SAP130: variants seen among roughly 807,000 people sequenced by gnomAD.
SAP130 encodes the protein Sin3A associated protein 130.
A neutral mutation model predicts 103.2 loss-of-function variants in SAP130; 16 were observed. The observed-to-expected ratio is 0.16, with a 90% CI of 0.10 to 0.24. The LOEUF is 0.24. Ranked by LOEUF, SAP130 falls within the 10% of genes least tolerant of loss-of-function variation. SAP130 has a pLI of 1.00. For synonymous variants in SAP130, 477 were observed against 497.0 expected (o/e 0.96, Z 0.53); for missense variants, 990 against 1,359.7 (o/e 0.73, Z 4.28).
chr2:128,016,585 T>A (rs770586573), intron 3 of SAP130, 38 bp from the exon 4 acceptor site: 2 of 1,571,652 alleles, frequency 1.3e-6, no homozygotes, highest in African/African-American at 2.7e-5. Flanking sequence ...ATCAATGGCC[T>A]CATACTGGTG....
Position 127,999,705 on chromosome 2 carries a change from T to C in SAP130, c.1213+36A>G, listed in dbSNP as rs746979419. Reference sequence around the variant, plus strand: ...CTAGTCTGAGGGGTTACAGCACTCCTGGTAAGCTTCTGTCCGAAGGCAGCA... The same window carrying C: ...CTAGTCTGAGGGGTTACAGCACTCCCGGTAAGCTTCTGTCCGAAGGCAGCA... On this transcript the variant is annotated intron_variant, in intron 10 of 20. Coordinates refer to ENST00000643581, the MANE Select transcript of SAP130 (RefSeq NM_001330301.2). The C allele has an allele frequency of 3.1e-6, 4 of 1,294,442 alleles. No individual in the cohort carries two copies. In the South Asian group the frequency reaches 4.8e-5, roughly 16 times the overall value. The allele number at this position is 1,294,442 out of a possible 1,614,324, so 80.2% of individuals were successfully genotyped here.
chr2:128,002,147 G>A lies in SAP130; in HGVS notation c.870-1693C>T, dbSNP rs553194918. Among the ~76,000 whole-genome samples the A allele has an allele frequency of 1.3e-3, 200 of 152,264 alleles. 2 individuals are homozygous for A. Among genetic ancestry groups the A allele is most frequent in the Middle Eastern group, 0.01 (3 of 294 alleles). ...TCACAATGTTGGCCAAGATGGTCTT[G>A]ATCTCTTGATCCGCCCGCCCTGGCC... On this transcript the variant is annotated intron_variant, in intron 7 of 20. Coordinates refer to ENST00000643581, the MANE Select transcript of SAP130 (RefSeq NM_001330301.2).
rs1205946757 is a variant in SAP130 at position 128,014,870 on chromosome 2, T to C, written c.552A>G (p.Gln184=). Residue 184 remains glutamine (Q), a synonymous_variant, in exon 5 of 21, where the codon CAA becomes CAG. Coordinates refer to ENST00000643581, the MANE Select transcript of SAP130 (RefSeq NM_001330301.2). ...GAGCATTGCTGCGGATGATAGACAT[T>C]TGCACATTTGTAGTCATGATGTGAT... ...NLHHIMTTNV[Q]MSIIRSNAPG... is the part of the protein sequence containing the mutation. 1.2e-6 allele frequency: 2 copies of C among 1,613,984 alleles called. No homozygotes were observed. The highest frequency in any genetic ancestry group is 1.3e-5 in the African/African-American group (1 of 74,894).
At chr2:127,995,198 C>T (rs558220563) in intron 11 of SAP130, among the ~76,000 whole-genome samples, 1 of 152,206 alleles carries the variant, frequency 6.6e-6, no homozygotes, top group African/African-American at 2.4e-5. Context: ...AGAAGAATGA[C>T]AACCCATAGC....
chr2:127,948,909 A>AT lies in SAP130; in HGVS notation c.2797+959dup, dbSNP rs528254082. Among the ~76,000 whole-genome samples, 644 of 152,128 alleles carry AT rather than the reference A, an allele frequency of 4.2e-3. 18 individuals are homozygous for AT. The highest frequency in any genetic ancestry group is 9.3e-4 in the Non-Finnish European group (63 of 67,992). ...AATGCTACCAGGCAAATTCCTAAAT[A>AT]TTTTTTCTATGGAATTCTTGTGGCA... On this transcript the variant is annotated intron_variant, in intron 18 of 20. Coordinates refer to ENST00000643581, the MANE Select transcript of SAP130 (RefSeq NM_001330301.2).
intron 6 of SAP130, among the ~76,000 whole-genome samples, chr2:128,011,060 C>T (rs1684357832): frequency 1.3e-5 from 2 of 151,930 alleles, no homozygotes; most frequent in African/African-American, 4.8e-5. Context: ...GGGATCTCAC[C>T]CTTCAATCTA....
At chr2:127,976,800 C>T (rs1441467492) in intron 15 of SAP130, among the ~76,000 whole-genome samples, 2 of 152,210 alleles carry the variant, frequency 1.3e-5, no homozygotes, top group African/African-American at 2.4e-5. Context: ...GTCCCAGATA[C>T]TCAGGAGGCT....
chr2:127,961,772 G>A (rs1241629771), intron 15 of SAP130, among the ~76,000 whole-genome samples: 1 of 152,144 alleles, frequency 6.6e-6, no homozygotes, highest in Admixed American at 6.6e-5. Context: ...TGCTGTCAGA[G>A]CCAGACTTCC....
intron 10 of SAP130, among the ~76,000 whole-genome samples, chr2:127,998,174 C>A (rs1360294728): frequency 1.3e-5 from 2 of 151,914 alleles, no homozygotes; most frequent in Non-Finnish European, 1.5e-5. Context: ...AACTATATAG[C>A]ACAGAAAACA....
At chr2:127,962,284 T>C (rs1282420733) in intron 15 of SAP130, among the ~76,000 whole-genome samples, 1 of 152,192 alleles carries the variant, frequency 6.6e-6, no homozygotes, top group East Asian at 1.9e-4. Flanking sequence ...ATTCCACATG[T>C]TATGGACCAC....
chr2:127,942,143 G>C lies in SAP130; in HGVS notation c.3037C>G (p.Leu1013Val). The C allele has an allele frequency of 6.3e-7, 1 of 1,599,166 alleles. No homozygotes were observed. The highest frequency in any genetic ancestry group is 8.5e-7 in the Non-Finnish European group (1 of 1,176,426). The part of the protein sequence containing the change: ...LIQGNMQRCK[L>V]VMDQISEARD... ...GCTTCACTGATTTGATCCATCACAA[G>C]TTTACACCTCTGCATATTTCCCTGA... The change falls in exon 21 of 21, where the codon CTT (leucine) becomes GTT (valine). Residue 1013 changes from leucine (L) to valine (V), a missense_variant. Leu to Val is a conservative substitution (Grantham distance 32, BLOSUM62 1). Transcript: ENST00000643581. The surrounding 1 kb of genome is among the most constrained non-coding windows in gnomAD (Gnocchi z 4.8).
chr2:128,028,041 G>C lies in SAP130; in HGVS notation c.-108C>G, dbSNP rs943336522. ...CCCAGGCTCCGGACCCGCAGCCACC[G>C]CCGGGGAGCTAGCACTCTGCCCCCC... On this transcript the variant is annotated 5_prime_UTR_variant, in exon 1 of 21. Transcript: ENST00000643581. 1.1e-6 allele frequency: 1 copy of C among 934,548 alleles called. No individual in the cohort carries two copies. Among genetic ancestry groups the C allele is most frequent in the African/African-American group, 1.8e-5 (1 of 56,278 alleles). 57.9% of individuals were successfully genotyped at this position (934,548 alleles called of 1,614,324 possible). A position where few individuals can be genotyped will look rare whatever the true frequency, so the allele number is the denominator to read the frequency against.
At chr2:127,946,051 T>TAC (rs544597313) in intron 18 of SAP130, among the ~76,000 whole-genome samples, 433 of 152,334 alleles carry the variant, frequency 2.8e-3, no homozygotes, top group African/African-American at 0.01. Flanking sequence ...CACTAAGTGC[T>TAC]ACCTCCTAAA....
Position 128,026,318 on chromosome 2 carries a change from A to G in SAP130, c.-6-20T>C. 6.6e-7 allele frequency: 1 copy of G among 1,513,300 alleles called. No individual in the cohort carries two copies. The highest frequency in any genetic ancestry group is 9.2e-7 in the Non-Finnish European group (1 of 1,088,204). 93.7% of individuals were successfully genotyped at this position (1,513,300 alleles called of 1,614,324 possible). Reference sequence around the variant, plus strand: ...TTCCACCTGTAGTACATACAGTTATATGGTTATTACTAGATTCTGAGATCT... The same window carrying G: ...TTCCACCTGTAGTACATACAGTTATGTGGTTATTACTAGATTCTGAGATCT... On this transcript the variant is annotated intron_variant, in intron 1 of 20. Transcript: ENST00000643581.
chr2:127,941,710 C>A lies in SAP130; in HGVS notation c.*296G>T. The A allele has an allele frequency of 1.0e-5, 4 of 390,500 alleles. No homozygotes were observed. The highest frequency in any genetic ancestry group is 6.2e-5 in the East Asian group (1 of 16,206). 24.2% of individuals were successfully genotyped at this position (390,500 alleles called of 1,614,324 possible). A position where few individuals can be genotyped will look rare whatever the true frequency, so the allele number is the denominator to read the frequency against. On this transcript the variant is annotated 3_prime_UTR_variant, in exon 21 of 21. Coordinates refer to ENST00000643581, the MANE Select transcript of SAP130 (RefSeq NM_001330301.2). ...TATAAACCGGAAGGCTGAAAAACAC[C>A]AGCCAGCCATCCTTGTCATTGCTTC...
chr2:127,987,829 C>T (rs1443690387), intron 13 of SAP130, among the ~76,000 whole-genome samples: 1 of 152,140 alleles, frequency 6.6e-6, no homozygotes, highest in Non-Finnish European at 1.5e-5. Context: ...GAAACACATT[C>T]AACTAACAGA....
intron 2 of SAP130, among the ~76,000 whole-genome samples, chr2:128,021,457 A>C (rs1685154047): frequency 1.3e-5 from 2 of 151,914 alleles, no homozygotes; most frequent in South Asian, 2.1e-4. Context: ...AAAAAAAAAA[A>C]AAAACAAAAA....
At chr2:128,019,712 C>G (rs1344900464) in intron 2 of SAP130, among the ~76,000 whole-genome samples, 2 of 151,902 alleles carry the variant, frequency 1.3e-5, no homozygotes, top group African/African-American at 4.8e-5. Flanking sequence ...ATGGTGAAAC[C>G]CTGTCTCTAC....
rs544148713 is a variant in SAP130, at chr2:128,001,824, TG to T, written c.870-1371del. ...TGTATCCCCATCATTAAGTAATGAA[TG>T]AGTGTAAAACCTCAGAAAGCAAAAA... On this transcript the variant is annotated intron_variant, in intron 7 of 20. Coordinates refer to ENST00000643581, the MANE Select transcript of SAP130 (RefSeq NM_001330301.2). Among the ~76,000 whole-genome samples the T allele has an allele frequency of 1.6e-4, 24 of 152,204 alleles. No individual in the cohort carries two copies. In the East Asian group the frequency reaches 4.4e-3, roughly 28 times the overall value.
Sources: allele counts gnomAD v4.1 joint callset (sites outside exome capture counted in the v4.1 genomes callset), GRCh38; gene constraint gnomAD v4.1.1; non-coding constraint Gnocchi (gnomAD v3.1); transcripts MANE v1.5; gene names NCBI Gene and HGNC (gene_info 2026-07-23, HGNC 2026-07-21).